The following CAST variants were observed in gnomAD, a reference collection of about 807,000 sequenced individuals.
CAST encodes the protein MIR583 host.
CAST carries 76 observed loss-of-function variants against 119.6 expected under a neutral mutation model. That is an observed-to-expected ratio of 0.64 (90% confidence interval 0.53 to 0.77). The LOEUF is 0.77. Among genes scored for constraint, CAST ranks in the 30% least tolerant of loss-of-function variants. CAST has a pLI of 0.00. For synonymous variants in CAST, 319 were observed against 331.6 expected, an observed-to-expected ratio of 0.96 and a Z score of 0.41; for missense variants, 953 against 946.5, an observed-to-expected ratio of 1.01 and a Z score of -0.09.
chr5:96,144,486 G>C, the CAST span, among the ~76,000 whole-genome samples: 1 of 152,134 alleles, frequency 6.6e-6, no homozygotes, highest in South Asian at 2.1e-4. Flanking sequence ...CATGACTAAG[G>C]TTTGTATCCC....
At chr5:96,763,404 A>C (rs1445589715) in intron 25 of CAST, among the ~76,000 whole-genome samples, 4 of 152,198 alleles carry the variant, frequency 2.6e-5, no homozygotes, top group African/African-American at 9.6e-5. Context: ...ACAATGAAGA[A>C]AGTCCCCATG....
chr5:96,160,108 C>T, the CAST span, among the ~76,000 whole-genome samples: 8 of 152,022 alleles, frequency 5.3e-5, no homozygotes, highest in African/African-American at 1.9e-4. Context: ...CCACTGCACT[C>T]CAGCCTGGGA....
chr5:96,682,398 C>G (rs1400067666), intron 2 of CAST, among the ~76,000 whole-genome samples: 1 of 152,226 alleles, frequency 6.6e-6, no homozygotes, highest in Non-Finnish European at 1.5e-5. Context: ...CTTATCCTCT[C>G]TTACCTCTTT....
chr5:96,644,655 G>T (rs1747994112), intron 1 of CAST, among the ~76,000 whole-genome samples: 1 of 152,028 alleles, frequency 6.6e-6, no homozygotes, highest in East Asian at 1.9e-4. Context: ...TCAAAATTAG[G>T]AAACCAACAT....
intron 18 of CAST, 72 bp downstream of exon 18, chr5:96,747,464 A>G (rs1764014784): frequency 4.8e-6 from 5 of 1,033,066 alleles, no homozygotes; most frequent in South Asian, 4.0e-5. Context: ...GATAATTTTG[A>G]CAGTCTGGAA....
intron 29 of CAST, 54 bp downstream of exon 29, chr5:96,768,053 C>T (rs1770659982): frequency 9.0e-7 from 1 of 1,113,030 alleles, no homozygotes; most frequent in Non-Finnish European, 1.4e-6. Context: ...TGTATGTGTA[C>T]ATACATATAA....
chr5:96,172,548 G>A, the CAST span, among the ~76,000 whole-genome samples: 3 of 152,196 alleles, frequency 2.0e-5, no homozygotes, highest in Non-Finnish European at 2.9e-5. Flanking sequence ...ATAACTTTCC[G>A]CAAAAGAAGG....
At chr5:96,474,450 T>C in the CAST span, among the ~76,000 whole-genome samples, 1,185 of 131,198 alleles carry the variant, frequency 9.0e-3, 23 homozygotes, top group African/African-American at 0.032. Context: ...GGGTGAGGGG[T>C]GGGGCCTGTT....
the CAST span, among the ~76,000 whole-genome samples, chr5:96,453,423 CTG>C: frequency 8.9e-4 from 135 of 152,144 alleles, 1 homozygote; most frequent in African/African-American, 3.1e-3. Flanking sequence ...CTAGAGAAGA[CTG>C]TAAGTATTGT....
intron 2 of CAST, among the ~76,000 whole-genome samples, chr5:96,694,439 C>G (rs1753055099): frequency 6.6e-6 from 1 of 152,154 alleles, no homozygotes; most frequent in South Asian, 2.1e-4. Context: ...AGATCGAGAC[C>G]ATTCTGGCTA....
At chr5:96,249,214 T>C in the CAST span, among the ~76,000 whole-genome samples, 2 of 152,232 alleles carry the variant, frequency 1.3e-5, no homozygotes, top group Non-Finnish European at 2.9e-5. Flanking sequence ...GCCGTCATTA[T>C]TTTTAATTTG....
intron 2 of CAST, among the ~76,000 whole-genome samples, chr5:96,690,775 C>T (rs10476556): frequency 0.01 from 1,551 of 152,310 alleles, 29 homozygotes; most frequent in African/African-American, 0.035. Context: ...AATCTGTCTA[C>T]ACTTTTGAAA....
chr5:96,155,616 G>A, the CAST span, among the ~76,000 whole-genome samples: 1 of 152,058 alleles, frequency 6.6e-6, no homozygotes, highest in African/African-American at 2.4e-5. Context: ...GCGTCACCAG[G>A]GGACCCACTG....
chr5:96,005,882 A>C, the CAST span, among the ~76,000 whole-genome samples: 1 of 152,150 alleles, frequency 6.6e-6, no homozygotes, highest in Non-Finnish European at 1.5e-5. Flanking sequence ...TAGTGCAATA[A>C]ACTTAATGAA....
intron 1 of CAST, among the ~76,000 whole-genome samples, chr5:96,547,463 C>T (rs1746038930): frequency 6.6e-6 from 1 of 152,226 alleles, no homozygotes; most frequent in Admixed American, 6.5e-5. Flanking sequence ...AGAATTCACC[C>T]TTCTTCTGCC....
At chr5:96,627,778 G>A (rs138648111) in intron 1 of CAST, among the ~76,000 whole-genome samples, 71 of 152,340 alleles carry the variant, frequency 4.7e-4, no homozygotes, top group Non-Finnish European at 6.8e-4. Flanking sequence ...GGTTCTTCAC[G>A]TCCCTTGGAA....
chr5:96,669,674 T>G (rs373972780), intron 1 of CAST, among the ~76,000 whole-genome samples: 1 of 152,182 alleles, frequency 6.6e-6, no homozygotes, highest in African/African-American at 2.4e-5. Context: ...GGTGTAGACA[T>G]AGGGCACTGT....
At chr5:96,661,419 GAAAAAAAAAAAA>G (rs34922511), upstream of CAST, among the ~76,000 whole-genome samples, 2 of 88,400 alleles carry the variant, frequency 2.3e-5, no homozygotes, top group Non-Finnish European at 4.4e-5. Flanking sequence ...TGCCTCTCCA[GAAAAAAAAAAAA>G]AAAAAAAAAA....
the CAST span, among the ~76,000 whole-genome samples, chr5:96,467,809 A>G: frequency 6.6e-6 from 1 of 152,096 alleles, no homozygotes; most frequent in East Asian, 1.9e-4. Context: ...TACAACCTCT[A>G]TAAAAAAACA....
Sources: gnomAD v4.1 joint callset for allele counts (sites outside exome capture counted in the v4.1 genomes callset) on GRCh38, gnomAD v4.1.1 for gene constraint, MANE v1.5 for transcripts, NCBI Gene and HGNC (gene_info 2026-07-23, HGNC 2026-07-21) for gene names.